NDRG4: variants seen among roughly 807,000 people sequenced by gnomAD.
The protein encoded by NDRG4 is protein NDRG4.
A neutral mutation model predicts 55.8 loss-of-function variants in NDRG4; 38 were observed. That is an observed-to-expected ratio of 0.68 (90% confidence interval 0.53 to 0.89). The LOEUF is 0.89. NDRG4 is among the 40% of genes least tolerant of loss of function. NDRG4 has a pLI of 0.00. For missense variants in NDRG4, 455 were observed against 468.6 expected, an observed-to-expected ratio of 0.97 and a Z score of 0.27; for synonymous variants, 190 against 182.7, an observed-to-expected ratio of 1.04 and a Z score of -0.32.
rs577276222 is a variant in NDRG4, at chr16:58,500,608, G to A, written c.21+339G>A. 5 of 528,536 alleles carry A rather than the reference G, an allele frequency of 9.5e-6. No homozygotes were observed. In the East Asian group the frequency reaches 1.0e-4, roughly 11 times the overall value. The allele number at this position is 528,536 out of a possible 1,614,324, so 32.7% of individuals were successfully genotyped here. On this transcript the variant is annotated intron_variant, in intron 1 of 14. Transcript: ENST00000570248. The stretch of plus-strand genomic sequence containing the variant: ...CGTGTGGACCCGGGCGCTAGTGCCT[G>A]CATGTCCCTCTGACCGTGTGCCCTC...
At position 58,503,993 on chromosome 16, in the gene NDRG4, G is replaced by A. The variant is rs2427787; in HGVS notation, c.127+90G>A. 662,177 of 1,528,942 alleles carry A rather than the reference G, an allele frequency of 0.43. 150,545 individuals carry two copies. Among genetic ancestry groups the A allele is most frequent in the Non-Finnish European group, 0.47 (521,243 of 1,111,306 alleles). 94.7% of individuals were successfully genotyped at this position (1,528,942 alleles called of 1,614,324 possible). On this transcript the variant is annotated intron_variant, in intron 2 of 14. Transcript: ENST00000570248. ...CCACCCTCCCCACAGGGCCCTGTCA[G>A]CCCCACTCACACTCACCTCTGTTGC...
Position 58,504,168 on chromosome 16 carries a change from A to G in NDRG4, c.142A>G (p.Asn48Asp), listed in dbSNP as rs748152133. The change falls in exon 3 of 15, where the codon AAC becomes GAC. Residue 48 changes from asparagine to aspartate, a missense_variant. Asn to Asp is a conservative substitution (Grantham distance 23). Transcript: ENST00000570248. ...DVGLNHKLCF[N>D]TFFNFEDMQE... Reference sequence around the variant, plus strand: ...TGTCTTTGCAGACAAACTATGCTTCAACACCTTCTTCAACTTCGAGGACAT... The same window carrying G: ...TGTCTTTGCAGACAAACTATGCTTCGACACCTTCTTCAACTTCGAGGACAT... 8.7e-6 allele frequency: 14 copies of G among 1,614,022 alleles called. No homozygotes were observed. In the Admixed American group the frequency reaches 1.8e-4, roughly 21 times the overall value.
chr16:58,464,406 G>A lies in NDRG4; in HGVS notation c.-24+609G>A, dbSNP rs2031160950. On this transcript the variant is annotated intron_variant, in intron 1 of 15. Coordinates refer to the NDRG4 transcript ENST00000258187. The surrounding 1 kb of genome is among the most constrained non-coding windows in gnomAD (Gnocchi z 4.8). Reference sequence around the variant, plus strand: ...CGCGCTGCCCCGACGCCGCCACCCAGAGCCGGGCCGCGCCGGGCGCCGAGA... The same window carrying A: ...CGCGCTGCCCCGACGCCGCCACCCAAAGCCGGGCCGCGCCGGGCGCCGAGA... 3 of 1,368,864 alleles carry A rather than the reference G, an allele frequency of 2.2e-6. No homozygotes were observed. Among genetic ancestry groups the A allele is most frequent in the Non-Finnish European group, 2.8e-6 (3 of 1,064,102 alleles). The allele number at this position is 1,368,864 out of a possible 1,614,324, so 84.8% of individuals were successfully genotyped here.
At chr16:58,510,238 G>A (rs940209459) in intron 13 of NDRG4, among the ~76,000 whole-genome samples, 2 of 152,226 alleles carry the variant, frequency 1.3e-5, no homozygotes, top group African/African-American at 4.8e-5. Context: ...TCAGGGCACA[G>A]CAAGCATTTG....
Position 58,507,815 on chromosome 16 carries a change from G to C in NDRG4, c.628G>C (p.Asp210His). 1 of 1,613,822 alleles carries C rather than the reference G, an allele frequency of 6.2e-7. No homozygotes were observed. The highest frequency in any genetic ancestry group is 8.5e-7 in the Non-Finnish European group (1 of 1,179,990). The change falls in exon 9 of 15, where the codon GAC becomes CAC. Residue 210 changes from aspartate to histidine, a missense_variant. Transcript: ENST00000570248. ...CCTCCCCCTGCCCCACAGCCGCAGA[G>C]ACCTGGACATTAACCGGCCTGGAAC... ...LFWNMYNSRR[D>H]LDINRPGTVP...
chr16:58,469,186 G>A (rs1597038493), intron 1 of NDRG4, among the ~76,000 whole-genome samples: 1 of 152,270 alleles, frequency 6.6e-6, no homozygotes, highest in South Asian at 2.1e-4. Context: ...TTTTACATAC[G>A]GAGGAAACTG....
chr16:58,475,622 T>C (rs1192707687), intron 1 of NDRG4: 1 of 456,016 alleles, frequency 2.2e-6, no homozygotes, highest in East Asian at 6.9e-5. Flanking sequence ...GATCTCAAAA[T>C]AGAGGATTCC....
At chr16:58,502,042 G>A in intron 1 of NDRG4, 1 of 455,846 alleles carries the variant, frequency 2.2e-6, no homozygotes, top group Non-Finnish European at 4.4e-6. Flanking sequence ...AGCTCCCTCG[G>A]GTGGAACCTG....
intron 2 of NDRG4, chr16:58,494,871 C>G (rs2036219531): frequency 2.1e-6 from 2 of 954,518 alleles, no homozygotes; most frequent in Non-Finnish European, 1.7e-6. Context: ...AAAAGACAGA[C>G]TAGGGGACAG....
intron 10 of NDRG4, 109 bp from the exon 11 acceptor site, chr16:58,508,853 T>G: frequency 8.2e-7 from 1 of 1,220,492 alleles, no homozygotes; most frequent in Non-Finnish European, 1.2e-6. Context: ...GGCCTCCCTC[T>G]GCCTCCCTGC....
At chr16:58,471,096 G>A (rs1271400596) in intron 1 of NDRG4, among the ~76,000 whole-genome samples, 8 of 151,598 alleles carry the variant, frequency 5.3e-5, no homozygotes, top group Admixed American at 2.0e-4. Flanking sequence ...CCCCCAGAGG[G>A]AGACAGCTTA....
rs201201875 is a variant in NDRG4 at position 58,506,476 on chromosome 16, G to A, written c.459+3G>A. 4.4e-5 allele frequency: 71 copies of A among 1,610,264 alleles called. No individual in the cohort carries two copies. In the African/African-American group the frequency reaches 8.4e-4, roughly 19 times the overall value. On this transcript the variant is annotated splice_donor_region_variant and intron_variant, in intron 6 of 14. Transcript: ENST00000570248. ...GGATAGACTGGGCTGCCACCAAGGT[G>A]TGTGTGGTGACCGGGGGTGGGGTGG...
Position 58,504,108 on chromosome 16 carries a change from TC to T in NDRG4, c.128-41del. On this transcript the variant is annotated intron_variant, in intron 2 of 14. Coordinates refer to ENST00000570248, the MANE Select transcript of NDRG4 (RefSeq NM_001242835.2). ...TCTGGGGGCCCGGCCTTCCTTCCAG[TC>T]CCCCGGCCCCTCTGCTCAGCCATAG... The T allele has an allele frequency of 3.1e-6, 5 of 1,609,232 alleles. No individual in the cohort carries two copies. The South Asian group carries it at 3.3e-5, about 11-fold the overall frequency.
chr16:58,474,553 C>T lies in NDRG4; in HGVS notation c.-24+10756C>T, dbSNP rs961619727. Among the ~76,000 whole-genome samples the T allele has an allele frequency of 4.6e-5, 7 of 152,164 alleles. No individual in the cohort carries two copies. In the East Asian group the frequency reaches 1.4e-3, roughly 29 times the overall value. ...GTTTCACATCCCTCTCTCTCCCCTC[C>T]TGTGAAGCTGCTTCCTGCATTGCTT... On this transcript the variant is annotated intron_variant, in intron 1 of 15. Transcript: ENST00000258187.
At chr16:58,490,832 C>T (rs2035695312) in intron 2 of NDRG4, among the ~76,000 whole-genome samples, 2 of 152,040 alleles carry the variant, frequency 1.3e-5, no homozygotes, top group African/African-American at 4.8e-5. Flanking sequence ...TAAAAATTAG[C>T]TGGGCATGGT....
At chr16:58,494,729 G>A (rs1044563424) in intron 2 of NDRG4, among the ~76,000 whole-genome samples, 60 of 151,676 alleles carry the variant, frequency 4.0e-4, no homozygotes, top group African/African-American at 1.1e-3. Context: ...CGCTTTAGGA[G>A]GCCAAGACAG....
At chr16:58,500,088 C>T, upstream of NDRG4, 1 of 1,503,854 alleles carries the variant, frequency 6.6e-7, no homozygotes, top group South Asian at 1.2e-5. Flanking sequence ...GGAGGAGGGG[C>T]TAGCTAGGCT....
At chr16:58,514,460 C>T (rs995766713), downstream of NDRG4, among the ~76,000 whole-genome samples, 1 of 138,506 alleles carries the variant, frequency 7.2e-6, no homozygotes, top group Admixed American at 6.9e-5. Context: ...GACCAGGCCG[C>T]GCGCGGTGGC....
chr16:58,501,868 C>G (rs2037176729), intron 1 of NDRG4: 1 of 419,266 alleles, frequency 2.4e-6, no homozygotes, highest in Non-Finnish European at 5.0e-6. Context: ...GACCCGCACG[C>G]TGCGGGTCTG....
Sources: allele counts gnomAD v4.1 joint callset (sites outside exome capture counted in the v4.1 genomes callset), GRCh38; gene constraint gnomAD v4.1.1; non-coding constraint Gnocchi (gnomAD v3.1); transcripts MANE v1.5; gene names NCBI Gene and HGNC (gene_info 2026-07-23, HGNC 2026-07-21).